SDHC: variants seen among roughly 807,000 people sequenced by gnomAD.
The protein encoded by SDHC is succinate dehydrogenase cytochrome b560 subunit, mitochondrial.
SDHC carries 11 observed loss-of-function variants against 22.6 expected under a neutral mutation model. The ratio of observed to expected loss-of-function variants is 0.49; its 90% CI spans 0.31 to 0.81. SDHC has a LOEUF of 0.81. Among genes scored for constraint, SDHC ranks in the 30% least tolerant of loss-of-function variants. The pLI is 0.05. For synonymous variants in SDHC, 80 were observed against 77.8 expected (o/e 1.03, Z -0.15); for missense variants, 160 against 212.0 (o/e 0.75, Z 1.52).
intron 1 of SDHC, 69 bp downstream of exon 1, chr1:161,314,494 TG>T (rs1287217482): frequency 1.5e-5 from 24 of 1,562,680 alleles, no homozygotes; most frequent in Non-Finnish European, 2.0e-5. Flanking sequence ...CCTCACGTTT[TG>T]CTGATAACTG....
rs200264060 is a variant in SDHC at position 161,326,621 on chromosome 1, AT to A, written c.78-1763del. 6.3e-3 allele frequency: 730 copies of A among 116,504 alleles called. 3 individuals carry two copies. The highest frequency in any genetic ancestry group is 0.017 in the African/African-American group (562 of 32,238). The allele number at this position is 116,504 out of a possible 1,614,324, so 7.2% of individuals were successfully genotyped here. A position where few individuals can be genotyped will look rare whatever the true frequency, so the allele number is the denominator to read the frequency against. ...TTATTTTATTTTATTTTAATTTTTA[AT>A]TTTTTTTTTTTCTTTTTTTTTGAGA... On this transcript the variant is annotated intron_variant, in intron 2 of 5. Coordinates refer to ENST00000367975, the MANE Select transcript of SDHC (RefSeq NM_003001.5).
intron 4 of SDHC, among the ~76,000 whole-genome samples, 161 bp downstream of exon 4, chr1:161,340,816 T>C (rs927830750): frequency 1.3e-5 from 2 of 152,208 alleles, no homozygotes; most frequent in African/African-American, 4.8e-5. Flanking sequence ...CAATTAATTA[T>C]GAGTTTGCAC....
Position 161,323,840 on chromosome 1 carries a change from C to T in SDHC, c.77+170C>T, listed in dbSNP as rs1048456019. On this transcript the variant is annotated intron_variant, in intron 2 of 5. Coordinates refer to ENST00000367975, the MANE Select transcript of SDHC (RefSeq NM_003001.5). Reference sequence around the variant, plus strand: ...CCTCCTGAGTAGCTGGGACTACAGGCGCCCACCACCACGCCTGGCTAATTT... The same window carrying T: ...CCTCCTGAGTAGCTGGGACTACAGGTGCCCACCACCACGCCTGGCTAATTT... 3.3e-5 allele frequency among the ~76,000 whole-genome samples: 5 copies of T among 152,168 alleles called. No individual in the cohort carries two copies. The East Asian group carries it at 7.7e-4, about 24-fold the overall frequency.
In SDHC at chr1:161,328,480, C is replaced by A. The variant is rs374450282; in HGVS notation, c.162C>A (p.Pro54=). 3.5e-5 allele frequency: 57 copies of A among 1,607,966 alleles called. No homozygotes were observed. The South Asian group carries it at 5.2e-4, about 15-fold the overall frequency. ...TAGGTTCAAACCGTCCTCTGTCTCC[C>A]CACATTACTATCTACAGGTAAGGAA... ...KNIGSNRPLS[P]HITIYSWSLP... Residue 54 remains proline, a synonymous_variant, in exon 3 of 6, where the codon CCC becomes CCA. Coordinates refer to ENST00000367975, the MANE Select transcript of SDHC (RefSeq NM_003001.5).
chr1:161,330,220 A>C (rs756156421), intron 3 of SDHC, among the ~76,000 whole-genome samples: 1 of 152,180 alleles, frequency 6.6e-6, no homozygotes, highest in African/African-American at 2.4e-5. Context: ...CCTCATCTCA[A>C]AGTCTTAAAA....
chr1:161,360,043 T>C (rs960841699), intron 5 of SDHC, among the ~76,000 whole-genome samples: 13 of 147,058 alleles, frequency 8.8e-5, no homozygotes, highest in Admixed American at 2.7e-4. Flanking sequence ...TTTTTTTTTT[T>C]CTGGGCTTCC....
At chr1:161,325,572 C>T (rs557929154) in intron 2 of SDHC, among the ~76,000 whole-genome samples, 14 of 152,042 alleles carry the variant, frequency 9.2e-5, no homozygotes, top group Admixed American at 3.9e-4. Flanking sequence ...TCCAGCTACT[C>T]GGGAAGCTGA....
At chr1:161,333,931 T>C (rs1047485379) in intron 3 of SDHC, among the ~76,000 whole-genome samples, 5 of 152,190 alleles carry the variant, frequency 3.3e-5, no homozygotes, top group Non-Finnish European at 7.3e-5. Flanking sequence ...TTCCACATTT[T>C]TGGGTATTCG....
chr1:161,344,222 G>A (rs1042919032), intron 4 of SDHC, among the ~76,000 whole-genome samples: 2 of 152,138 alleles, frequency 1.3e-5, no homozygotes, highest in Admixed American at 6.5e-5. Context: ...CCTGGGAGGC[G>A]GAGCTTGCAG....
intron 5 of SDHC, among the ~76,000 whole-genome samples, chr1:161,357,993 G>T (rs1672347704): frequency 6.6e-6 from 1 of 151,474 alleles, no homozygotes; most frequent in Admixed American, 6.6e-5. Context: ...TAGAAACTGG[G>T]TGCCAAGAAT....
chr1:161,360,515 C>T (rs1439060430), intron 5 of SDHC, among the ~76,000 whole-genome samples: 2 of 149,074 alleles, frequency 1.3e-5, no homozygotes, highest in African/African-American at 5.0e-5. Flanking sequence ...GAGATTGTGC[C>T]ACTGCACTCC....
intron 3 of SDHC, chr1:161,339,662 G>GTTTTTTTTTTTTTTTTTTTCT (rs1671639672): frequency 2.0e-5 from 1 of 49,566 alleles, no homozygotes; most frequent in African/African-American, 1.0e-4. Flanking sequence ...TGATACAGGT[G>GTTTTTTTTTTTTTTTTTTTCT]TTTTTTTTTT....
At chr1:161,358,652 C>T (rs1316672341) in intron 5 of SDHC, among the ~76,000 whole-genome samples, 1 of 151,134 alleles carries the variant, frequency 6.6e-6, no homozygotes, top group Non-Finnish European at 1.5e-5. Flanking sequence ...AATAGGCGGG[C>T]ACAGTGGTTC....
chr1:161,350,229 A>G (rs1458717599), intron 4 of SDHC, among the ~76,000 whole-genome samples: 1 of 152,052 alleles, frequency 6.6e-6, no homozygotes, highest in Non-Finnish European at 1.5e-5. Flanking sequence ...ACAATTTTTT[A>G]AAAATGGAGA....
At chr1:161,356,945 C>A in intron 5 of SDHC, 105 bp downstream of exon 5, 1 of 1,125,546 alleles carries the variant, frequency 8.9e-7, no homozygotes, top group Non-Finnish European at 1.3e-6. Context: ...TTTTTTTTTT[C>A]CCAAGAGTGG....
intron 5 of SDHC, among the ~76,000 whole-genome samples, chr1:161,359,792 G>A (rs1169268220): frequency 1.3e-5 from 2 of 152,160 alleles, no homozygotes; most frequent in East Asian, 3.8e-4. Context: ...CTCTGAACTT[G>A]ATAGTTGACT....
chr1:161,321,260 A>C (rs1032243644), intron 1 of SDHC, among the ~76,000 whole-genome samples: 9 of 152,256 alleles, frequency 5.9e-5, no homozygotes, highest in African/African-American at 1.9e-4. Flanking sequence ...AGGGGCAACA[A>C]TAACTAGAAA....
At chr1:161,353,011 G>A (rs1672145169) in intron 4 of SDHC, among the ~76,000 whole-genome samples, 1 of 151,946 alleles carries the variant, frequency 6.6e-6, no homozygotes, top group Admixed American at 6.6e-5. Context: ...AAATTGGTGT[G>A]GGGGTATGTA....
chr1:161,324,374 A>G (rs1329999503), intron 2 of SDHC, among the ~76,000 whole-genome samples: 1 of 152,256 alleles, frequency 6.6e-6, no homozygotes, highest in Non-Finnish European at 1.5e-5. Context: ...CTGGGATTAT[A>G]GGCATGAGCC....
Sources: allele counts gnomAD v4.1 joint callset (sites outside exome capture counted in the v4.1 genomes callset), GRCh38; gene constraint gnomAD v4.1.1; transcripts MANE v1.5; gene names NCBI Gene and HGNC (gene_info 2026-07-23, HGNC 2026-07-21).